Variants in TTC34 observed in about 807,000 individuals in gnomAD.
The protein encoded by TTC34 is tetratricopeptide repeat domain 34, also known as tetratricopeptide repeat protein 34.
Under a neutral mutation model 40.7 loss-of-function variants are expected in TTC34, and 44 were observed. That is an observed-to-expected ratio of 1.08 (90% CI 0.85 to 1.39). TTC34 has a LOEUF of 1.39. Ranked by LOEUF, TTC34 falls within the 40% of genes most tolerant of loss-of-function variation. TTC34 has a pLI of 0.00. For synonymous variants in TTC34, 422 were observed against 398.6 expected, an observed-to-expected ratio of 1.06 and a Z score of -0.70; for missense variants, 884 against 838.0, an observed-to-expected ratio of 1.05 and a Z score of -0.68.
At chr1:2,757,638 TGAGCA>T (rs1641550331) in intron 6 of TTC34, among the ~76,000 whole-genome samples, 3 of 112,772 alleles carry the variant, frequency 2.7e-5, no homozygotes, top group African/African-American at 7.9e-5. Flanking sequence ...CACCCCCAGG[TGAGCA>T]TCCGACAGCC....
chr1:2,684,992 C>G (rs1217775896), intron 6 of TTC34, among the ~76,000 whole-genome samples: 5 of 99,650 alleles, frequency 5.0e-5, no homozygotes, highest in African/African-American at 1.2e-4. Context: ...AGAACAGCAC[C>G]CATACCCCCA....
At chr1:2,649,848 C>G (rs1161224068) in intron 6 of TTC34, among the ~76,000 whole-genome samples, 3 of 152,144 alleles carry the variant, frequency 2.0e-5, no homozygotes, top group African/African-American at 4.8e-5. Context: ...ACCTCACACC[C>G]TCAGGTGAGC....
In TTC34 at chr1:2,699,454, C is replaced by T. The variant is rs1477885388; in HGVS notation, c.2227-53891G>A. ...GACAGCCTGGAACATCACCCCGCAC[C>T]CACAGGCGAGCATCTGACAGCCTGG... On this transcript the variant is annotated intron_variant, in intron 6 of 8. Transcript: ENST00000401095. 1.1e-4 allele frequency among the ~76,000 whole-genome samples: 13 copies of T among 120,278 alleles called. No individual in the cohort carries two copies. In the East Asian group the frequency reaches 3.0e-3, roughly 28 times the overall value. The allele number at this position is 120,278 out of a possible 152,430, so 78.9% of individuals were successfully genotyped here. A position where few individuals can be genotyped will look rare whatever the true frequency, so the allele number is the denominator to read the frequency against.
intron 2 of TTC34, among the ~76,000 whole-genome samples, chr1:2,798,922 GCAGCCCC>G (rs1557695176): frequency 2.0e-4 from 8 of 39,134 alleles, no homozygotes; most frequent in South Asian, 1.2e-3. Flanking sequence ...TCCAAGCCTC[GCAGCCCC>G]CCAGCCTCCC....
At chr1:2,761,992 C>A (rs1177652732) in intron 6 of TTC34, among the ~76,000 whole-genome samples, 1 of 54,214 alleles carries the variant, frequency 1.8e-5, no homozygotes, top group Non-Finnish European at 3.2e-5. Context: ...CATCTGACAG[C>A]CTGGAGCAGC....
intron 6 of TTC34, among the ~76,000 whole-genome samples, chr1:2,773,104 G>T (rs1222209283): frequency 2.2e-5 from 3 of 133,976 alleles, no homozygotes; most frequent in African/African-American, 8.2e-5. Flanking sequence ...ACACCCCCAG[G>T]CGAGCATCTG....
At chr1:2,680,727 G>A (rs1262492547) in intron 6 of TTC34, among the ~76,000 whole-genome samples, 48 of 23,574 alleles carry the variant, frequency 2.0e-3, no homozygotes, top group Admixed American at 4.2e-3. Flanking sequence ...CCGACAGCCT[G>A]GAGCAGCACC....
At chr1:2,683,888 C>G (rs1356623280) in intron 6 of TTC34, among the ~76,000 whole-genome samples, 346 of 103,656 alleles carry the variant, frequency 3.3e-3, no homozygotes, top group African/African-American at 9.1e-3. Flanking sequence ...AGGCGAGCAT[C>G]TGACAGCCTG....
intron 6 of TTC34, among the ~76,000 whole-genome samples, chr1:2,677,743 C>A (rs1240283584): frequency 3.4e-5 from 5 of 148,176 alleles, no homozygotes; most frequent in Admixed American, 2.0e-4. Flanking sequence ...CCCAGGTGAG[C>A]ATCTGACAGC....
chr1:2,640,522 AGGAG>A (rs1472516162), exon 9 of TTC34: 1 of 152,066 alleles, frequency 6.6e-6, no homozygotes, highest in Non-Finnish European at 1.5e-5. Flanking sequence ...GGGCCTGTGG[AGGAG>A]GGAGGAAGTT....
At position 2,786,032 on chromosome 1, in the gene TTC34, G is replaced by T. The variant is rs958774418; in HGVS notation, c.1855-9C>A. 54 of 1,457,508 alleles carry T rather than the reference G, an allele frequency of 3.7e-5. No individual in the cohort carries two copies. The highest frequency in any genetic ancestry group is 4.2e-5 in the Non-Finnish European group (46 of 1,096,690). 90.3% of individuals were successfully genotyped at this position (1,457,508 alleles called of 1,614,324 possible). ...ACCAGCTTCTTCACCAACTGCAAGG[G>T]TGCCACAGTCACTGCCCATGCCCTT... On this transcript the variant is annotated splice_polypyrimidine_tract_variant and intron_variant, in intron 4 of 8. Coordinates refer to ENST00000401095, the Ensembl canonical transcript of TTC34.
intron 6 of TTC34, among the ~76,000 whole-genome samples, chr1:2,682,828 AC>A (rs1640138144): frequency 3.1e-5 from 3 of 96,244 alleles, no homozygotes; most frequent in Non-Finnish European, 8.2e-5. Flanking sequence ...CAGCACACAC[AC>A]CCCCAGGCGA....
chr1:2,690,936 C>T (rs568347839), intron 6 of TTC34, among the ~76,000 whole-genome samples: 1 of 72,042 alleles, frequency 1.4e-5, no homozygotes, highest in Admixed American at 1.3e-4. Flanking sequence ...GAACAGAACC[C>T]ACACCTCCAG....
chr1:2,777,710 G>A (rs933824537), intron 6 of TTC34, among the ~76,000 whole-genome samples: 2 of 148,562 alleles, frequency 1.3e-5, no homozygotes, highest in Non-Finnish European at 3.0e-5. Flanking sequence ...CGCAGCATCA[G>A]CCCATATCCT....
At chr1:2,683,742 C>A (rs865816187) in intron 6 of TTC34, among the ~76,000 whole-genome samples, 3 of 149,048 alleles carry the variant, frequency 2.0e-5, no homozygotes, top group Non-Finnish European at 4.4e-5. Flanking sequence ...TATCCTGGAA[C>A]AGCACCCACA....
chr1:2,657,584 CA>C (rs1639396694), intron 6 of TTC34, among the ~76,000 whole-genome samples: 1 of 98,318 alleles, frequency 1.0e-5, no homozygotes, highest in Non-Finnish European at 2.6e-5. Flanking sequence ...CCCACAAGCA[CA>C]AGTGAGAATC....
At chr1:2,699,930 C>A (rs1164237028) in intron 6 of TTC34, among the ~76,000 whole-genome samples, 1 of 73,442 alleles carries the variant, frequency 1.4e-5, no homozygotes, top group African/African-American at 3.7e-5. Context: ...GCAGCTCCCA[C>A]ACACCCAGGT....
At position 2,755,741 on chromosome 1, in the gene TTC34, C is replaced by T. The variant is rs1162453716; in HGVS notation, c.2226+27868G>A. ...ATCCGACAGCCTGGAGCAGCACCCA[C>T]ACACCCAGGCGAGCATCTGACAGCC... is the stretch of plus-strand genomic sequence containing the variant. On this transcript the variant is annotated intron_variant, in intron 6 of 8. Coordinates refer to ENST00000401095, the Ensembl canonical transcript of TTC34. 5.6e-3 allele frequency among the ~76,000 whole-genome samples: 785 copies of T among 140,472 alleles called. 18 individuals are homozygous for T. The highest frequency in any genetic ancestry group is 7.7e-3 in the Non-Finnish European group (507 of 65,664). The allele number at this position is 140,472 out of a possible 152,430, so 92.2% of individuals were successfully genotyped here. A position where few individuals can be genotyped will look rare whatever the true frequency, so the allele number is the denominator to read the frequency against.
intron 6 of TTC34, among the ~76,000 whole-genome samples, chr1:2,757,542 C>T (rs1641546758): frequency 2.3e-5 from 3 of 130,332 alleles, no homozygotes; most frequent in Non-Finnish European, 3.3e-5. Context: ...CCTGGAACAG[C>T]ACCCACACTC....
Sources: allele counts gnomAD v4.1 joint callset (sites outside exome capture counted in the v4.1 genomes callset), GRCh38; gene constraint gnomAD v4.1.1; transcripts MANE v1.5; gene names NCBI Gene and HGNC (gene_info 2026-07-23, HGNC 2026-07-21).